HTT: variants seen among roughly 807,000 people sequenced by gnomAD.
The protein encoded by HTT is huntingtin.
A neutral mutation model predicts 362.3 loss-of-function variants in HTT; 104 were observed. That is an observed-to-expected ratio of 0.29 (90% CI 0.24 to 0.34). The LOEUF (loss-of-function observed/expected upper bound fraction) is 0.34, where lower values mean the gene tolerates loss of function less well. Among genes scored for constraint, HTT ranks in the 10% least tolerant of loss-of-function variants. HTT has a pLI of 1.00. For missense variants in HTT, 3,301 were observed against 3,928.6 expected (o/e 0.84, Z 4.27); for synonymous variants, 1,577 against 1,548.7 (o/e 1.02, Z -0.43).
chr4:3,231,990 C>T (rs891206958), intron 60 of HTT, among the ~76,000 whole-genome samples: 11 of 152,204 alleles, frequency 7.2e-5, no homozygotes, highest in Non-Finnish European at 1.3e-4. Flanking sequence ...AGGTTTTCAG[C>T]GCGTCATGCT....
chr4:3,182,502 A>T (rs363094), intron 37 of HTT, 32 bp downstream of exon 37: 7 of 1,382,076 alleles, frequency 5.1e-6, no homozygotes, highest in Non-Finnish European at 6.2e-6. Flanking sequence ...TTGTTGTTGC[A>T]TAGTGATGGT....
chr4:3,223,314 T>G, intron 54 of HTT, 92 bp from the exon 55 acceptor site: 1 of 1,271,384 alleles, frequency 7.9e-7, no homozygotes, highest in Non-Finnish European at 1.1e-6. Flanking sequence ...CTCCTCTTCC[T>G]CCCATTGAGG....
chr4:3,114,003 C>T (rs1560553090), intron 6 of HTT, among the ~76,000 whole-genome samples: 2 of 152,142 alleles, frequency 1.3e-5, no homozygotes, highest in African/African-American at 4.8e-5. Context: ...GTCTCACAGC[C>T]TTTAGAGCTG....
chr4:3,082,883 G>T (rs1712992611), intron 1 of HTT, among the ~76,000 whole-genome samples: 1 of 152,128 alleles, frequency 6.6e-6, no homozygotes, highest in Admixed American at 6.5e-5. Context: ...GAACTGGAAG[G>T]ACCCTTTCAT....
At chr4:3,169,791 C>T (rs1463840011) in intron 29 of HTT, among the ~76,000 whole-genome samples, 1 of 152,198 alleles carries the variant, frequency 6.6e-6, no homozygotes, top group Non-Finnish European at 1.5e-5. Flanking sequence ...CCAAACTGGC[C>T]TTGAACTCCT....
At position 3,116,205 on chromosome 4, in the gene HTT, G is replaced by A; in HGVS notation, c.1010G>A (p.Ser337Asn). The A allele has an allele frequency of 1.2e-6, 2 of 1,614,030 alleles. No individual in the cohort carries two copies. The highest frequency in any genetic ancestry group is 1.7e-6 in the Non-Finnish European group (2 of 1,179,886). The change falls in exon 8 of 67, where the codon AGC becomes AAC. Residue 337 changes from serine to asparagine, a missense_variant. By Grantham distance (46) the Ser-to-Asn change is conservative (BLOSUM62 1). Coordinates refer to ENST00000355072, the MANE Select transcript of HTT (RefSeq NM_001388492.1). ...GTCAAGGACACAAGCCTGAAAGGCA[G>A]CTTCGGAGTGACAAGGAAAGAAATG... ...QQVKDTSLKG[S>N]FGVTRKEMEV...
In HTT at chr4:3,177,133, A is replaced by G. The variant is rs911759129; in HGVS notation, c.4408-199A>G. Among the ~76,000 whole-genome samples the G allele has an allele frequency of 2.0e-5, 3 of 152,232 alleles. No individual in the cohort carries two copies. The East Asian group carries it at 5.8e-4, about 29-fold the overall frequency. ...CCAATGAGATTTCACCTCAGGGTAT[A>G]GTAAAGTTGTTGAGGGGATTCCTGG... On this transcript the variant is annotated intron_variant, in intron 33 of 66. Transcript: ENST00000355072.
chr4:3,154,258 T>TTTTTTTG, intron 26 of HTT, 35 bp from the exon 27 acceptor site: 7 of 1,502,296 alleles, frequency 4.7e-6, no homozygotes, highest in Non-Finnish European at 6.3e-6. Context: ...CATGTTTTTG[T>TTTTTTTG]TTTTTTGTTT....
At chr4:3,224,598 C>T (rs567326190) in intron 56 of HTT, among the ~76,000 whole-genome samples, 3 of 152,312 alleles carry the variant, frequency 2.0e-5, no homozygotes, top group South Asian at 2.1e-4. Context: ...CCAAGCCTTC[C>T]GGTTGTGTGC....
In HTT at chr4:3,121,544, C is replaced by G. The variant is rs1481584140; in HGVS notation, c.1273+112C>G. The G allele has an allele frequency of 8.6e-6, 6 of 694,226 alleles. No homozygotes were observed. In the African/African-American group the frequency reaches 1.1e-4, roughly 13 times the overall value. The allele number at this position is 694,226 out of a possible 1,614,324, so 43.0% of individuals were successfully genotyped here. On this transcript the variant is annotated intron_variant, in intron 9 of 66. Transcript: ENST00000355072. Reference sequence around the variant, plus strand: ...AGCAGTCTGCATTCCATCTTCCTTGCCAAAACTTATAATACAAATTTCATC... The same window carrying G: ...AGCAGTCTGCATTCCATCTTCCTTGGCAAAACTTATAATACAAATTTCATC...
At chr4:3,119,680 A>G (rs1715202387) in intron 8 of HTT, among the ~76,000 whole-genome samples, 1 of 152,218 alleles carries the variant, frequency 6.6e-6, no homozygotes, top group Admixed American at 6.5e-5. Context: ...GAGCATGTAA[A>G]TGGAAATCTC....
chr4:3,123,518 A>G (rs943037467), intron 10 of HTT: 3 of 152,234 alleles, frequency 2.0e-5, no homozygotes, highest in Admixed American at 6.5e-5. Flanking sequence ...GGTCTCTACC[A>G]AAACAAAACA....
intron 1 of HTT, among the ~76,000 whole-genome samples, chr4:3,077,560 C>G (rs1027138476): frequency 6.6e-6 from 1 of 152,076 alleles, no homozygotes; most frequent in Non-Finnish European, 1.5e-5. Flanking sequence ...GCTGGGATTA[C>G]AGGCGCCCAC....
At chr4:3,142,275 T>C (rs1440357923) in intron 22 of HTT, among the ~76,000 whole-genome samples, 1 of 152,238 alleles carries the variant, frequency 6.6e-6, no homozygotes, top group Non-Finnish European at 1.5e-5. Context: ...AAAATCAGAT[T>C]GGCTTTATTC....
intron 26 of HTT, among the ~76,000 whole-genome samples, 180 bp downstream of exon 26, chr4:3,148,387 C>T (rs1036813075): frequency 1.1e-4 from 16 of 152,142 alleles, no homozygotes; most frequent in African/African-American, 1.4e-4. Context: ...TGCAGTGGCT[C>T]GTGCCTGTTA....
intron 31 of HTT, among the ~76,000 whole-genome samples, chr4:3,174,455 T>C (rs1423537445): frequency 6.6e-6 from 1 of 152,252 alleles, no homozygotes; most frequent in Non-Finnish European, 1.5e-5. Context: ...GTCAGTTTCC[T>C]GTAGCAGAAA....
rs752592383 is a variant in HTT at position 3,089,996 on chromosome 4, CT to C, written c.347+2979del. Among the ~76,000 whole-genome samples, 12 of 152,264 alleles carry C rather than the reference CT, an allele frequency of 7.9e-5. No individual in the cohort carries two copies. The East Asian group carries it at 2.3e-3, about 29-fold the overall frequency. On this transcript the variant is annotated intron_variant, in intron 2 of 66. Transcript: ENST00000355072. ...TTGGTTTCATAGGATACACTCTATA[CT>C]TTTTAGGGATTTCAGAGTATATAGC...
intron 12 of HTT, among the ~76,000 whole-genome samples, chr4:3,127,980 T>G (rs1016640285): frequency 6.6e-6 from 1 of 151,590 alleles, no homozygotes; most frequent in South Asian, 2.1e-4. Context: ...AATAAAAAAA[T>G]AAAGTGCAGT....
intron 26 of HTT, among the ~76,000 whole-genome samples, chr4:3,153,436 A>G (rs956169805): frequency 1.3e-5 from 2 of 152,216 alleles, no homozygotes; most frequent in Non-Finnish European, 1.5e-5. Flanking sequence ...ACTCTGCTCC[A>G]TGATGGCTGC....
Sources: gnomAD v4.1 joint callset for allele counts (sites outside exome capture counted in the v4.1 genomes callset) on GRCh38, gnomAD v4.1.1 for gene constraint, MANE v1.5 for transcripts, NCBI Gene and HGNC (gene_info 2026-07-23, HGNC 2026-07-21) for gene names.